Variants in MORN3 observed in about 807,000 individuals in gnomAD.
MORN3 encodes MORN repeat containing 3.
In MORN3, 38 loss-of-function variants were observed where a neutral mutation model predicts 34.7. The ratio of observed to expected loss-of-function variants is 1.10; its 90% CI spans 0.85 to 1.44. The LOEUF is 1.44. Ranked by LOEUF, MORN3 falls within the 40% of genes most tolerant of loss-of-function variation. The pLI is 0.00. For missense variants in MORN3, 311 were observed against 321.7 expected (o/e 0.97, Z 0.25); for synonymous variants, 109 against 115.3 (o/e 0.95, Z 0.35).
chr12:121,656,180 C>G (rs934252153), intron 2 of MORN3, among the ~76,000 whole-genome samples: 1 of 152,198 alleles, frequency 6.6e-6, no homozygotes, highest in Non-Finnish European at 1.5e-5. Context: ...CAACTCTTCT[C>G]CTCACTCCTG....
At chr12:121,659,514 C>T (rs1893516862) in intron 1 of MORN3, among the ~76,000 whole-genome samples, 166 bp from the exon 2 acceptor site, 1 of 150,576 alleles carries the variant, frequency 6.6e-6, no homozygotes, top group Admixed American at 6.6e-5. Context: ...CAGGAAAGTT[C>T]CATTTCTTTC....
chr12:121,669,623 AG>A lies in MORN3; in HGVS notation c.-141del, dbSNP rs1893888083. ...TTCTGAGTCCCTGGGGCAGGTGAAC[AG>A]CCCTTAGTGGGGATCCTTTAGTGCT... On this transcript the variant is annotated 5_prime_UTR_variant, in exon 1 of 6. Coordinates refer to ENST00000355329, the MANE Select transcript of MORN3 (RefSeq NM_173855.5). 8.3e-7 allele frequency: 1 copy of A among 1,211,356 alleles called. No individual in the cohort carries two copies. The highest frequency in any genetic ancestry group is 1.3e-5 in the South Asian group (1 of 74,528). 75.0% of individuals were successfully genotyped at this position (1,211,356 alleles called of 1,614,324 possible).
intron 2 of MORN3, among the ~76,000 whole-genome samples, chr12:121,656,035 A>T (rs1302549013): frequency 6.6e-6 from 1 of 152,094 alleles, no homozygotes; most frequent in Non-Finnish European, 1.5e-5. Context: ...GTCTCAAAAA[A>T]CAAAAAACAC....
intron 2 of MORN3, among the ~76,000 whole-genome samples, chr12:121,656,956 G>C (rs1893434394): frequency 6.6e-6 from 1 of 152,120 alleles, no homozygotes; most frequent in African/African-American, 2.4e-5. Flanking sequence ...AAACAATTTG[G>C]GAGCAGAGAA....
At chr12:121,662,636 T>G in intron 1 of MORN3, among the ~76,000 whole-genome samples, 1 of 151,578 alleles carries the variant, frequency 6.6e-6, no homozygotes, top group Non-Finnish European at 1.5e-5. Flanking sequence ...CACCTGTAAT[T>G]CTAGCTACTG....
intron 1 of MORN3, 87 bp from the exon 2 acceptor site, chr12:121,659,435 C>T: frequency 7.4e-7 from 1 of 1,351,044 alleles, no homozygotes; most frequent in East Asian, 2.3e-5. Flanking sequence ...GGGCCCCCAA[C>T]TAGACGAATC....
intron 1 of MORN3, among the ~76,000 whole-genome samples, chr12:121,667,879 A>G (rs1366114481): frequency 2.6e-5 from 4 of 151,816 alleles, no homozygotes; most frequent in Non-Finnish European, 5.9e-5. Context: ...GCCCACTACC[A>G]CAGCCAGCTA....
chr12:121,654,896 C>G (rs376248988), intron 2 of MORN3, among the ~76,000 whole-genome samples: 3 of 151,952 alleles, frequency 2.0e-5, no homozygotes, highest in Non-Finnish European at 4.4e-5. Flanking sequence ...TAGTGCCCAC[C>G]GATAATGTCT....
At chr12:121,662,163 T>C (rs1164841011) in intron 1 of MORN3, among the ~76,000 whole-genome samples, 2 of 151,836 alleles carry the variant, frequency 1.3e-5, no homozygotes, top group African/African-American at 2.4e-5. Context: ...TGTTACAAGA[T>C]GTACAAGATT....
At chr12:121,661,308 T>G (rs1012198248) in intron 1 of MORN3, among the ~76,000 whole-genome samples, 1 of 152,170 alleles carries the variant, frequency 6.6e-6, no homozygotes, top group Non-Finnish European at 1.5e-5. Flanking sequence ...AGGCTGGTCT[T>G]GAACTCTTGA....
At chr12:121,670,362 A>T (rs367558718), upstream of MORN3, among the ~76,000 whole-genome samples, 1 of 152,140 alleles carries the variant, frequency 6.6e-6, no homozygotes, top group South Asian at 2.1e-4. Context: ...CACATGTACT[A>T]TTAATCTTTA....
rs542185966 is a variant in MORN3, at chr12:121,660,499, C to T, written c.146-1151G>A. Among the ~76,000 whole-genome samples the T allele has an allele frequency of 2.1e-4, 32 of 150,100 alleles. No individual in the cohort carries two copies. The East Asian group carries it at 6.0e-3, about 28-fold the overall frequency. On this transcript the variant is annotated intron_variant, in intron 1 of 5. Coordinates refer to ENST00000355329, the MANE Select transcript of MORN3 (RefSeq NM_173855.5). Reference sequence around the variant, plus strand: ...CCCAGTAGCTAGAATTACAGGTGCCCGCCACCATGCCCAGCTAATTTTTGT... The same window carrying T: ...CCCAGTAGCTAGAATTACAGGTGCCTGCCACCATGCCCAGCTAATTTTTGT...
chr12:121,669,383 T>C lies in MORN3; in HGVS notation c.101A>G (p.Asn34Ser), dbSNP rs758361168. Reference sequence around the variant, plus strand: ...CCACTCGCCCACATAGTAGTCGCCATTCACAGCGTATACCTGGCTCCGCAG... The same window carrying C: ...CCACTCGCCCACATAGTAGTCGCCACTCACAGCGTATACCTGGCTCCGCAG... ...NGLRSQVYAV[N>S]GDYYVGEWKD... The change falls in exon 1 of 6, where the codon AAT becomes AGT. Residue 34 changes from asparagine (N) to serine (S), a missense_variant. Transcript: ENST00000355329. 1.2e-6 allele frequency: 2 copies of C among 1,613,942 alleles called. No individual in the cohort carries two copies.
At chr12:121,660,240 G>C (rs764631960) in intron 1 of MORN3, among the ~76,000 whole-genome samples, 1 of 148,094 alleles carries the variant, frequency 6.8e-6, no homozygotes, top group Non-Finnish European at 1.5e-5. Context: ...CCTGGGAGAC[G>C]AGCGAAACTC....
At chr12:121,664,226 C>G (rs1893674237) in intron 1 of MORN3, among the ~76,000 whole-genome samples, 1 of 152,172 alleles carries the variant, frequency 6.6e-6, no homozygotes, top group African/African-American at 2.4e-5. Context: ...CATGGCTGAA[C>G]TTGCATTACT....
intron 1 of MORN3, among the ~76,000 whole-genome samples, chr12:121,667,026 T>C (rs1311428874): frequency 7.1e-6 from 1 of 141,244 alleles, no homozygotes; most frequent in Non-Finnish European, 1.5e-5. Flanking sequence ...AATGGCGCAA[T>C]CTCAGCTCAC....
intron 2 of MORN3, among the ~76,000 whole-genome samples, chr12:121,654,907 T>A (rs1313354047): frequency 6.6e-6 from 1 of 151,910 alleles, no homozygotes; most frequent in Non-Finnish European, 1.5e-5. Flanking sequence ...GATAATGTCT[T>A]GAAGGATCTC....
Position 121,669,278 on chromosome 12 carries a change from G to T in MORN3, c.145+61C>A, listed in dbSNP as rs553526118. Reference sequence around the variant, plus strand: ...GTGAGCTCTGCACTCTGCCTTCCTGGCCCTGTTGCCCACTGTGGCTCTGAC... The same window carrying T: ...GTGAGCTCTGCACTCTGCCTTCCTGTCCCTGTTGCCCACTGTGGCTCTGAC... On this transcript the variant is annotated intron_variant, in intron 1 of 5. Transcript: ENST00000355329. The T allele has an allele frequency of 6.1e-5, 97 of 1,598,142 alleles. No individual in the cohort carries two copies. In the South Asian group the frequency reaches 7.8e-4, roughly 13 times the overall value.
At chr12:121,656,904 C>T (rs1893433481) in intron 2 of MORN3, among the ~76,000 whole-genome samples, 1 of 152,140 alleles carries the variant, frequency 6.6e-6, no homozygotes, top group Non-Finnish European at 1.5e-5. Flanking sequence ...CCATATTCTA[C>T]GTAAATTGGT....
Sources: allele counts gnomAD v4.1 joint callset (sites outside exome capture counted in the v4.1 genomes callset), GRCh38; gene constraint gnomAD v4.1.1; transcripts MANE v1.5; gene names NCBI Gene and HGNC (gene_info 2026-07-23, HGNC 2026-07-21).